Variants in NSMCE2 observed in about 807,000 individuals in gnomAD.
The protein encoded by NSMCE2 is E3 SUMO-protein ligase NSE2.
In NSMCE2, 24 loss-of-function variants were observed where a neutral mutation model predicts 23.8. The ratio of observed to expected loss-of-function variants is 1.01; its 90% CI spans 0.73 to 1.42. The LOEUF (loss-of-function observed/expected upper bound fraction) is 1.42. Ranked by LOEUF, NSMCE2 falls within the 40% of genes most tolerant of loss-of-function variation. The probability of loss-of-function intolerance (pLI) is 0.00; values close to 1 mark genes in which losing one functional copy is unlikely to be tolerated. For synonymous variants in NSMCE2, 92 were observed against 94.1 expected (o/e 0.98, Z 0.13); for missense variants, 284 against 296.5 (o/e 0.96, Z 0.31).
intron 5 of NSMCE2, among the ~76,000 whole-genome samples, chr8:125,259,249 G>A (rs1586682738): frequency 6.6e-6 from 1 of 152,204 alleles, no homozygotes; most frequent in African/African-American, 2.4e-5. Flanking sequence ...ATGGGCTCCT[G>A]AGTGAACTCT....
At chr8:125,325,850 T>A (rs1829643228) in intron 5 of NSMCE2, among the ~76,000 whole-genome samples, 1 of 152,064 alleles carries the variant, frequency 6.6e-6, no homozygotes, top group African/African-American at 2.4e-5. Flanking sequence ...TACTTGGTAG[T>A]CTGAAGCAAG....
At chr8:125,159,526 C>T (rs1821494876) in intron 4 of NSMCE2, among the ~76,000 whole-genome samples, 1 of 152,152 alleles carries the variant, frequency 6.6e-6, no homozygotes, top group Admixed American at 6.6e-5. Context: ...GTAGGCTATT[C>T]CATCTAGGTT....
At chr8:125,308,988 T>C (rs561617265) in intron 5 of NSMCE2, among the ~76,000 whole-genome samples, 2 of 152,212 alleles carry the variant, frequency 1.3e-5, no homozygotes, top group South Asian at 2.1e-4. Flanking sequence ...CTTACGCCTG[T>C]AATCCCAGCA....
chr8:125,313,146 A>G (rs542957141), intron 5 of NSMCE2, among the ~76,000 whole-genome samples: 3 of 150,890 alleles, frequency 2.0e-5, no homozygotes, highest in Non-Finnish European at 3.0e-5. Context: ...GGAGAAAGAA[A>G]GAAGGAAGGA....
intron 4 of NSMCE2, among the ~76,000 whole-genome samples, chr8:125,176,563 C>T (rs1822504951): frequency 1.3e-5 from 2 of 152,106 alleles, no homozygotes; most frequent in Non-Finnish European, 2.9e-5. Context: ...GTCTTTATGT[C>T]AGTCTTGATG....
intron 7 of NSMCE2, among the ~76,000 whole-genome samples, chr8:125,362,314 A>G (rs1813596182): frequency 6.6e-6 from 1 of 152,172 alleles, no homozygotes; most frequent in Admixed American, 6.5e-5. Context: ...ACTTGTGTTT[A>G]TTGGAGACGA....
intron 7 of NSMCE2, among the ~76,000 whole-genome samples, chr8:125,363,542 A>AAGAGAG (rs143065139): frequency 3.9e-5 from 4 of 103,108 alleles, no homozygotes; most frequent in South Asian, 4.2e-4. Context: ...GAAAGAAAGA[A>AAGAGAG]AGAGAGAGAG....
chr8:125,281,045 G>A (rs982903536), intron 5 of NSMCE2, among the ~76,000 whole-genome samples: 9 of 152,188 alleles, frequency 5.9e-5, no homozygotes, highest in Admixed American at 3.3e-4. Context: ...GAATGCAGAT[G>A]TCACCTTTTC....
At chr8:125,266,177 C>T (rs7812392) in intron 5 of NSMCE2, among the ~76,000 whole-genome samples, 1 of 151,876 alleles carries the variant, frequency 6.6e-6, no homozygotes, top group Admixed American at 6.6e-5. Context: ...CCGCAACCTC[C>T]GCCTCCCAGG....
At chr8:125,105,763 C>T (rs941828324) in intron 3 of NSMCE2, among the ~76,000 whole-genome samples, 1 of 152,026 alleles carries the variant, frequency 6.6e-6, no homozygotes, top group Non-Finnish European at 1.5e-5. Context: ...GGCAGTGGGC[C>T]GGATTTGGCT....
At chr8:125,124,668 A>C (rs1360817791) in intron 3 of NSMCE2, among the ~76,000 whole-genome samples, 1 of 151,560 alleles carries the variant, frequency 6.6e-6, no homozygotes, top group African/African-American at 2.4e-5. Context: ...TGTAGAGACA[A>C]GGTCTTGCTA....
At chr8:125,255,894 A>G (rs1044349638) in intron 5 of NSMCE2, among the ~76,000 whole-genome samples, 3 of 152,144 alleles carry the variant, frequency 2.0e-5, no homozygotes, top group Admixed American at 2.0e-4. Flanking sequence ...GGCAAGGACA[A>G]TGAGGCCTAA....
chr8:125,208,490 C>A (rs1824201648), intron 5 of NSMCE2, among the ~76,000 whole-genome samples: 1 of 152,268 alleles, frequency 6.6e-6, no homozygotes, highest in East Asian at 1.9e-4. Context: ...GTACCAAGGA[C>A]TATGCTTTAA....
chr8:125,165,190 A>G (rs1395102624), intron 4 of NSMCE2, among the ~76,000 whole-genome samples: 1 of 152,250 alleles, frequency 6.6e-6, no homozygotes, highest in Non-Finnish European at 1.5e-5. Context: ...GTGATACCTC[A>G]TAGGGCTGTG....
At chr8:125,113,241 G>T (rs920941264) in intron 3 of NSMCE2, among the ~76,000 whole-genome samples, 3 of 152,052 alleles carry the variant, frequency 2.0e-5, no homozygotes, top group African/African-American at 7.2e-5. Flanking sequence ...TAATCCCAGT[G>T]CTTTGGGAGG....
intron 5 of NSMCE2, among the ~76,000 whole-genome samples, chr8:125,189,501 A>C (rs1823251236): frequency 6.6e-6 from 1 of 152,274 alleles, no homozygotes; most frequent in Admixed American, 6.5e-5. Context: ...ACTGGGCTAA[A>C]GTGTAAGAAC....
chr8:125,097,668 T>G (rs907372164), intron 1 of NSMCE2, among the ~76,000 whole-genome samples: 7 of 152,168 alleles, frequency 4.6e-5, no homozygotes, highest in Non-Finnish European at 1.0e-4. Context: ...ATCGGTTTCT[T>G]TTTTCAACTT....
intron 3 of NSMCE2, among the ~76,000 whole-genome samples, chr8:125,116,101 A>G (rs1818994746): frequency 6.6e-6 from 1 of 152,230 alleles, no homozygotes; most frequent in Non-Finnish European, 1.5e-5. Flanking sequence ...TCTTTCTGCT[A>G]ACCATGGATG....
chr8:125,159,746 G>A (rs562655375), intron 4 of NSMCE2, among the ~76,000 whole-genome samples: 35 of 152,190 alleles, frequency 2.3e-4, no homozygotes, highest in Admixed American at 2.1e-3. Context: ...GATCACTTGC[G>A]GTCAGGAGTT....
Sources: allele counts gnomAD v4.1 joint callset (sites outside exome capture counted in the v4.1 genomes callset), GRCh38; gene constraint gnomAD v4.1.1; transcripts MANE v1.5; gene names NCBI Gene and HGNC (gene_info 2026-07-23, HGNC 2026-07-21).